Variants in GNA12 observed in about 807,000 individuals in gnomAD.
The protein encoded by GNA12 is G protein subunit alpha 12, also known as guanine nucleotide-binding protein subunit alpha-12.
GNA12 carries 9 observed loss-of-function variants against 26.0 expected under a neutral mutation model. The observed-to-expected ratio is 0.35, with a 90% CI of 0.21 to 0.60. The LOEUF (loss-of-function observed/expected upper bound fraction) is 0.60. Ranked by LOEUF, GNA12 falls within the 20% of genes least tolerant of loss-of-function variation. The probability of loss-of-function intolerance (pLI) is 0.78; values close to 1 mark genes in which losing one functional copy is unlikely to be tolerated. For synonymous variants in GNA12, 264 were observed against 219.6 expected (o/e 1.20, Z -1.79); for missense variants, 405 against 525.8 (o/e 0.77, Z 2.25).
intron 2 of GNA12, among the ~76,000 whole-genome samples, chr7:2,744,181 C>A (rs798508): frequency 2.0e-5 from 3 of 152,054 alleles, no homozygotes; most frequent in Non-Finnish European, 4.4e-5. Context: ...AGTGGTTCTC[C>A]CAGCACGCAG....
chr7:2,794,921 C>A lies in GNA12; in HGVS notation c.525+7G>T. 6.2e-7 allele frequency: 1 copy of A among 1,602,024 alleles called. No homozygotes were observed. On this transcript the variant is annotated splice_region_variant and intron_variant, in intron 2 of 3. Transcript: ENST00000275364. Reference sequence around the variant, plus strand: ...CAGGTGCCCAGCAAGAAGGCCTACTCACTCACCAGCTGAAACTCGCTTCTC... The same window carrying A: ...CAGGTGCCCAGCAAGAAGGCCTACTAACTCACCAGCTGAAACTCGCTTCTC...
intron 2 of GNA12, among the ~76,000 whole-genome samples, chr7:2,782,580 C>G (rs1295689678): frequency 2.0e-5 from 3 of 152,000 alleles, no homozygotes; most frequent in African/African-American, 7.2e-5. Flanking sequence ...TCACGTCTAC[C>G]TTTTTCTGTA....
intron 1 of GNA12, among the ~76,000 whole-genome samples, chr7:2,834,610 A>G (rs1260894246): frequency 6.6e-6 from 1 of 152,220 alleles, no homozygotes; most frequent in Admixed American, 6.5e-5. Context: ...AATTCTTCAA[A>G]AAGTTTCTAA....
At chr7:2,784,515 G>A (rs1432352632) in intron 2 of GNA12, among the ~76,000 whole-genome samples, 1 of 152,206 alleles carries the variant, frequency 6.6e-6, no homozygotes, top group East Asian at 1.9e-4. Context: ...GACACAAACT[G>A]TGGAACTTCC....
intron 2 of GNA12, among the ~76,000 whole-genome samples, chr7:2,768,527 G>GTTT (rs36000454): frequency 0.03 from 4,564 of 152,186 alleles, 193 homozygotes; most frequent in African/African-American, 0.086. Context: ...AATCATGGAT[G>GTTT]TAACACTCAG....
chr7:2,787,113 C>A (rs150457553), intron 2 of GNA12, among the ~76,000 whole-genome samples: 1 of 152,276 alleles, frequency 6.6e-6, no homozygotes, highest in East Asian at 1.9e-4. Context: ...AACACAACAA[C>A]CCTGGGGCTC....
chr7:2,746,449 A>C (rs1267678385), intron 2 of GNA12, among the ~76,000 whole-genome samples: 5 of 151,918 alleles, frequency 3.3e-5, no homozygotes, highest in Non-Finnish European at 4.4e-5. Flanking sequence ...AGGCAGAAAT[A>C]AAGATGTTCT....
chr7:2,742,519 G>A (rs1050844150), intron 2 of GNA12, among the ~76,000 whole-genome samples: 9 of 152,156 alleles, frequency 5.9e-5, no homozygotes, highest in Non-Finnish European at 1.0e-4. Context: ...CACAGACGCT[G>A]TCATTTTCCA....
intron 2 of GNA12, among the ~76,000 whole-genome samples, chr7:2,751,987 T>G (rs1791063954): frequency 6.6e-6 from 1 of 152,052 alleles, no homozygotes; most frequent in African/African-American, 2.4e-5. Context: ...AGAAATAATT[T>G]CCAACTCCTT....
intron 2 of GNA12, among the ~76,000 whole-genome samples, chr7:2,746,976 T>C (rs1465669209): frequency 1.4e-5 from 2 of 147,878 alleles, no homozygotes; most frequent in African/African-American, 5.0e-5. Flanking sequence ...CAGGAAGAAG[T>C]TGAATCTCTG....
chr7:2,824,685 T>G lies in GNA12; in HGVS notation c.309+19168A>C, dbSNP rs1032893721. ...GCTGATTCACCGACTTATTAAAAGC[T>G]GTGTAGTGCCCATCACACACCACAG... On this transcript the variant is annotated intron_variant, in intron 1 of 3. Coordinates refer to ENST00000275364, the MANE Select transcript of GNA12 (RefSeq NM_007353.3). Among the ~76,000 whole-genome samples the G allele has an allele frequency of 4.6e-5, 7 of 152,226 alleles. No individual in the cohort carries two copies. The East Asian group carries it at 1.3e-3, about 29-fold the overall frequency.
chr7:2,826,054 C>T (rs1707387128), intron 1 of GNA12, among the ~76,000 whole-genome samples: 1 of 152,130 alleles, frequency 6.6e-6, no homozygotes, highest in Middle Eastern at 3.4e-3. Flanking sequence ...ATGCAAACTC[C>T]GGAAGACAGT....
chr7:2,804,126 CAA>C (rs1491344651), intron 1 of GNA12, among the ~76,000 whole-genome samples: 1 of 152,176 alleles, frequency 6.6e-6, no homozygotes, highest in African/African-American at 2.4e-5. Context: ...CTTGAGAACA[CAA>C]ACACACAAAA....
At chr7:2,782,609 C>T (rs1792257763) in intron 2 of GNA12, among the ~76,000 whole-genome samples, 1 of 151,878 alleles carries the variant, frequency 6.6e-6, no homozygotes, top group Non-Finnish European at 1.5e-5. Context: ...TAAGATTTTC[C>T]TCTTTGTGTT....
intron 1 of GNA12, among the ~76,000 whole-genome samples, chr7:2,818,789 G>A (rs1353804140): frequency 2.1e-4 from 31 of 146,394 alleles, no homozygotes; most frequent in African/African-American, 5.3e-4. Context: ...AAGGACAAAC[G>A]AACAAGGGAG....
intron 1 of GNA12, among the ~76,000 whole-genome samples, chr7:2,807,812 T>C (rs917635811): frequency 2.0e-5 from 3 of 152,202 alleles, no homozygotes; most frequent in African/African-American, 7.2e-5. Flanking sequence ...AATATCAGCA[T>C]CAGGCAGCCT....
rs140299952 is a variant in GNA12, at chr7:2,840,982, G to A, written c.309+2871C>T. On this transcript the variant is annotated intron_variant, in intron 1 of 3. Coordinates refer to ENST00000275364, the MANE Select transcript of GNA12 (RefSeq NM_007353.3). The stretch of plus-strand genomic sequence containing the variant: ...AAATTGAAAGATGAATTTCTAACTT[G>A]TTATTGAAATGGTCACGACACATGA... 4.8e-3 allele frequency among the ~76,000 whole-genome samples: 735 copies of A among 152,354 alleles called. 7 individuals are homozygous for A. Among genetic ancestry groups the A allele is most frequent in the African/African-American group, 0.016 (681 of 41,588 alleles).
chr7:2,755,704 CTGATA>C (rs1791261044), intron 2 of GNA12, among the ~76,000 whole-genome samples: 2 of 152,212 alleles, frequency 1.3e-5, no homozygotes, highest in African/African-American at 4.8e-5. Context: ...TTCTTTTTCT[CTGATA>C]TGTCTACCCT....
chr7:2,840,136 T>A (rs1438842084), intron 1 of GNA12, among the ~76,000 whole-genome samples: 4 of 152,302 alleles, frequency 2.6e-5, no homozygotes, highest in Admixed American at 1.3e-4. Flanking sequence ...ATATCCTGGT[T>A]GTAAGATTGT....
Sources: allele counts gnomAD v4.1 joint callset (sites outside exome capture counted in the v4.1 genomes callset), GRCh38; gene constraint gnomAD v4.1.1; transcripts MANE v1.5; gene names NCBI Gene and HGNC (gene_info 2026-07-23, HGNC 2026-07-21).